LAMC1: variants seen among roughly 807,000 people sequenced by gnomAD.
The protein encoded by LAMC1 is laminin subunit gamma-1.
Under a neutral mutation model 173.6 loss-of-function variants are expected in LAMC1, and 38 were observed. The observed-to-expected ratio is 0.22, with a 90% CI of 0.17 to 0.29. LAMC1 has a LOEUF of 0.29. Ranked by LOEUF, LAMC1 falls within the 10% of genes least tolerant of loss-of-function variation. The probability of loss-of-function intolerance (pLI) is 1.00; values close to 1 mark genes in which losing one functional copy is unlikely to be tolerated. For missense variants in LAMC1, 1,824 were observed against 2,051.8 expected, an observed-to-expected ratio of 0.89 and a Z score of 2.14; for synonymous variants, 746 against 749.1, an observed-to-expected ratio of 1.00 and a Z score of 0.07.
chr1:183,127,125 GTATAGTCAGCT>G lies in LAMC1; in HGVS notation c.2945-86_2945-76del, dbSNP rs1656641097. On this transcript the variant is annotated intron_variant, in intron 16 of 27. Transcript: ENST00000258341. ...CCTGTTTTTCAAAAAAATTATGACAGTATAGTCAGCTTATAGTCAGCTTATTGTTATCAGTC... is the reference window on the plus strand; with the variant it reads ...CCTGTTTTTCAAAAAAATTATGACAGTATAGTCAGCTTATTGTTATCAGTC... 39 of 1,031,226 alleles carry G rather than the reference GTATAGTCAGCT, an allele frequency of 3.8e-5. 1 individual carries two copies. The highest frequency in any genetic ancestry group is 6.4e-5 in the South Asian group (4 of 62,536). 63.9% of individuals were successfully genotyped at this position (1,031,226 alleles called of 1,614,324 possible).
At chr1:183,117,274 G>T in intron 8 of LAMC1, 46 bp from the exon 9 acceptor site, 1 of 1,568,842 alleles carries the variant, frequency 6.4e-7, no homozygotes, top group African/African-American at 1.4e-5. Flanking sequence ...CTGAATTCAG[G>T]ATGTTTACAG....
rs368631061 is a variant in LAMC1 at position 183,142,727 on chromosome 1, G to A, written c.4767G>A (p.Leu1589=). ...AGATCATGAAGGACATTCGCAATCTGGAGGACATCAGGAAGACCTTACCAT... is the reference window on the plus strand; with the variant it reads ...AGATCATGAAGGACATTCGCAATCTAGAGGACATCAGGAAGACCTTACCAT... ...IEEIMKDIRN[L]EDIRKTLPSG... Residue 1589 remains leucine, a synonymous_variant, in exon 28 of 28, where the codon CTG becomes CTA. Coordinates refer to ENST00000258341, the MANE Select transcript of LAMC1 (RefSeq NM_002293.4). The A allele has an allele frequency of 9.9e-6, 16 of 1,614,016 alleles. No homozygotes were observed. Among genetic ancestry groups the A allele is most frequent in the Non-Finnish European group, 1.3e-5 (15 of 1,179,926 alleles).
intron 6 of LAMC1, 108 bp downstream of exon 6, chr1:183,115,745 T>C: frequency 1.2e-6 from 1 of 802,028 alleles, no homozygotes; most frequent in Admixed American, 1.9e-5. Flanking sequence ...TTTCCTGTAA[T>C]AATTGTCAAC....
At position 183,110,610 on chromosome 1, in the gene LAMC1, G is replaced by A. The variant is rs752108997; in HGVS notation, c.977G>A (p.Arg326Gln). 6.2e-6 allele frequency: 10 copies of A among 1,613,814 alleles called. No individual in the cohort carries two copies. In the Admixed American group the frequency reaches 6.7e-5, roughly 11 times the overall value. ...AAGTGTCTTCCTTTCTTCAATGACC[G>A]GCCGTGGAGGAGGGCAACTGCGGAA... ...CEKCLPFFND[R>Q]PWRRATAESA... The change falls in exon 4 of 28, where the codon CGG becomes CAG. Residue 326 changes from arginine (R) to glutamine (Q), a missense_variant. Physicochemically the swap from Arg to Gln is conservative, Grantham distance 43. Transcript: ENST00000258341.
chr1:183,114,950 G>T (rs1266647218), intron 5 of LAMC1, among the ~76,000 whole-genome samples: 1 of 152,134 alleles, frequency 6.6e-6, no homozygotes, highest in Non-Finnish European at 1.5e-5. Flanking sequence ...CCTGAGTAAT[G>T]GTTCTGCAAA....
intron 1 of LAMC1, among the ~76,000 whole-genome samples, chr1:183,098,822 G>A (rs1206247887): frequency 6.6e-6 from 1 of 152,162 alleles, no homozygotes; most frequent in Non-Finnish European, 1.5e-5. Flanking sequence ...TCCTTCTGTA[G>A]AGAACCAGTC....
intron 11 of LAMC1, among the ~76,000 whole-genome samples, chr1:183,119,289 G>C (rs918694857): frequency 2.0e-5 from 3 of 152,128 alleles, no homozygotes; most frequent in African/African-American, 7.2e-5. Context: ...TGATGATGTG[G>C]TATTGGGAGA....
At chr1:183,074,203 G>C (rs1231229700) in intron 1 of LAMC1, among the ~76,000 whole-genome samples, 3 of 152,148 alleles carry the variant, frequency 2.0e-5, no homozygotes, top group African/African-American at 7.2e-5. Flanking sequence ...GTGCCACCAA[G>C]TATTCACAAG....
intron 1 of LAMC1, among the ~76,000 whole-genome samples, chr1:183,040,266 T>G (rs561163560): frequency 6.6e-6 from 1 of 152,350 alleles, no homozygotes; most frequent in Admixed American, 6.5e-5. Context: ...ACTGCCTGGT[T>G]ACTTCCTCAG....
chr1:183,100,028 T>C (rs887923860), intron 1 of LAMC1, among the ~76,000 whole-genome samples: 2 of 152,142 alleles, frequency 1.3e-5, no homozygotes, highest in Non-Finnish European at 2.9e-5. Flanking sequence ...TTCCACCTCA[T>C]GGAATGGGAA....
chr1:183,044,640 A>T (rs1329455763), intron 1 of LAMC1, among the ~76,000 whole-genome samples: 1 of 152,076 alleles, frequency 6.6e-6, no homozygotes, highest in Non-Finnish European at 1.5e-5. Context: ...TAATCATTGG[A>T]GAAAGGCCAC....
intron 1 of LAMC1, among the ~76,000 whole-genome samples, chr1:183,070,327 G>A (rs1654979856): frequency 6.6e-6 from 1 of 152,116 alleles, no homozygotes; most frequent in African/African-American, 2.4e-5. Context: ...AAAGGGACAG[G>A]GACCAACTAG....
chr1:183,141,908 A>G (rs1490576491), intron 27 of LAMC1, among the ~76,000 whole-genome samples: 14 of 152,170 alleles, frequency 9.2e-5, no homozygotes, highest in Admixed American at 2.6e-4. Context: ...AATGCTGTCT[A>G]TTGTGTCTGC....
chr1:183,043,760 A>G (rs1654198779), intron 1 of LAMC1, among the ~76,000 whole-genome samples: 1 of 152,144 alleles, frequency 6.6e-6, no homozygotes, highest in African/African-American at 2.4e-5. Context: ...TGCTTCATTG[A>G]TTTTTGTAAA....
chr1:183,061,305 C>CTA (rs1381244886), intron 1 of LAMC1, among the ~76,000 whole-genome samples: 1 of 151,732 alleles, frequency 6.6e-6, no homozygotes, highest in Admixed American at 6.6e-5. Context: ...ACTTTCTACT[C>CTA]TGATTTGTCA....
At chr1:183,059,036 C>T (rs1482510786) in intron 1 of LAMC1, among the ~76,000 whole-genome samples, 2 of 152,198 alleles carry the variant, frequency 1.3e-5, no homozygotes, top group African/African-American at 4.8e-5. Flanking sequence ...ATGACAGGCT[C>T]TGTTTTTGTT....
intron 24 of LAMC1, among the ~76,000 whole-genome samples, chr1:183,135,568 AGCTTTACAGGAT>A (rs1288426846): frequency 2.6e-5 from 4 of 152,086 alleles, no homozygotes; most frequent in African/African-American, 9.7e-5. Flanking sequence ...TAAATAGAGA[AGCTTTACAGGAT>A]GCTTTACAGG....
chr1:183,139,864 G>C (rs1476191399), intron 26 of LAMC1, among the ~76,000 whole-genome samples: 1 of 152,150 alleles, frequency 6.6e-6, no homozygotes, highest in African/African-American at 2.4e-5. Flanking sequence ...GAGTATGTGT[G>C]TCAGGGGGAC....
intron 1 of LAMC1, among the ~76,000 whole-genome samples, chr1:183,054,697 T>C (rs1333286549): frequency 6.6e-6 from 1 of 152,222 alleles, no homozygotes; most frequent in African/African-American, 2.4e-5. Context: ...TTTATTTCTT[T>C]AGTGTCTACT....
Sources: gnomAD v4.1 joint callset for allele counts (sites outside exome capture counted in the v4.1 genomes callset) on GRCh38, gnomAD v4.1.1 for gene constraint, MANE v1.5 for transcripts, NCBI Gene and HGNC (gene_info 2026-07-23, HGNC 2026-07-21) for gene names.